VPS54: variants seen among roughly 807,000 people sequenced by gnomAD.
VPS54 encodes vacuolar protein sorting-associated protein 54.
A neutral mutation model predicts 121.5 loss-of-function variants in VPS54; 45 were observed. That is an observed-to-expected ratio of 0.37 (90% CI 0.29 to 0.47). VPS54 has a LOEUF of 0.47. VPS54 is among the 20% of genes least tolerant of loss of function. The pLI, the probability that VPS54 is intolerant of heterozygous loss-of-function variation, is 0.99. For synonymous variants in VPS54, 371 were observed against 385.8 expected (o/e 0.96, Z 0.45); for missense variants, 1,090 against 1,131.4 (o/e 0.96, Z 0.52).
At chr2:63,934,522 T>C (rs34200806) in intron 11 of VPS54, among the ~76,000 whole-genome samples, 27,021 of 152,142 alleles carry the variant, frequency 0.18, 3,204 homozygotes, top group Non-Finnish European at 0.24. Context: ...GCCTCTGCTG[T>C]TTCCTCTATC....
rs191019530 is a variant in VPS54 at position 63,937,223 on chromosome 2, G to A, written c.1399-3210C>T. On this transcript the variant is annotated intron_variant, in intron 11 of 22. Transcript: ENST00000272322. ...AGAGTAAAAAGGCAACCTGCGGAATGGGAGAAAATATTTGTAAATCACGTA... is the reference window on the plus strand; with the variant it reads ...AGAGTAAAAAGGCAACCTGCGGAATAGGAGAAAATATTTGTAAATCACGTA... Among the ~76,000 whole-genome samples the A allele has an allele frequency of 2.1e-3, 312 of 152,174 alleles. 2 individuals are homozygous for A. Among genetic ancestry groups the A allele is most frequent in the African/African-American group, 7.2e-3 (301 of 41,536 alleles).
chr2:63,928,450 G>A (rs1228278479), intron 12 of VPS54, among the ~76,000 whole-genome samples: 1 of 152,156 alleles, frequency 6.6e-6, no homozygotes, highest in African/African-American at 2.4e-5. Context: ...TTACAGACAA[G>A]CAAATGCTGA....
In VPS54 at chr2:63,956,083, A is replaced by G. The variant is rs75726579; in HGVS notation, c.1010+5975T>C. Among the ~76,000 whole-genome samples, 727 of 152,260 alleles carry G rather than the reference A, an allele frequency of 4.8e-3. 12 individuals carry two copies. Among genetic ancestry groups the G allele is most frequent in the African/African-American group, 0.017 (699 of 41,558 alleles). On this transcript the variant is annotated intron_variant, in intron 7 of 22. Transcript: ENST00000272322. ...TTCTACTAAGCTGTATGTTCAATAC[A>G]GTGACCTCTGTGCTGTTCTTATCAG...
In VPS54 at chr2:63,944,674, A is replaced by G; in HGVS notation, c.1246-19T>C. 6.3e-7 allele frequency: 1 copy of G among 1,586,008 alleles called. No individual in the cohort carries two copies. Among genetic ancestry groups the G allele is most frequent in the Non-Finnish European group, 8.6e-7 (1 of 1,162,486 alleles). Reference sequence around the variant, plus strand: ...TCACACACTGCAAAATTTAAGAAAAAACAAAAACAATTTGATTAATTGTCT... The same window carrying G: ...TCACACACTGCAAAATTTAAGAAAAGACAAAAACAATTTGATTAATTGTCT... On this transcript the variant is annotated intron_variant, in intron 9 of 22. Transcript: ENST00000272322.
At chr2:63,955,773 A>G (rs1158115386) in intron 7 of VPS54, among the ~76,000 whole-genome samples, 9 of 152,042 alleles carry the variant, frequency 5.9e-5, no homozygotes, top group Non-Finnish European at 1.2e-4. Flanking sequence ...TCACCTATTC[A>G]TCCTCAATCT....
At chr2:63,906,529 A>G (rs968732084) in intron 20 of VPS54, among the ~76,000 whole-genome samples, 1 of 152,206 alleles carries the variant, frequency 6.6e-6, no homozygotes, top group African/African-American at 2.4e-5. Flanking sequence ...GAGTAAAGAG[A>G]TAGGTCCAGT....
chr2:63,913,698 AAAT>A (rs1284742926), intron 17 of VPS54: 1 of 355,186 alleles, frequency 2.8e-6, no homozygotes, highest in African/African-American at 2.2e-5. Flanking sequence ...GGTTTGAAAA[AAAT>A]AATAAAGCAT....
intron 1 of VPS54, among the ~76,000 whole-genome samples, chr2:63,993,942 C>T (rs1437547232): frequency 6.6e-6 from 1 of 152,118 alleles, no homozygotes; most frequent in Non-Finnish European, 1.5e-5. Context: ...ATAGGATTTC[C>T]CCAAAACCTT....
chr2:63,943,940 C>T (rs1197200284), intron 10 of VPS54, among the ~76,000 whole-genome samples: 4 of 151,310 alleles, frequency 2.6e-5, no homozygotes, highest in African/African-American at 9.7e-5. Flanking sequence ...CTTTATTGCC[C>T]AGGGTGGTCT....
chr2:63,983,112 A>C (rs1335352403), intron 2 of VPS54, among the ~76,000 whole-genome samples: 1 of 152,008 alleles, frequency 6.6e-6, no homozygotes, highest in African/African-American at 2.4e-5. Flanking sequence ...TGCATGAAAT[A>C]CATTAAAAAA....
chr2:63,910,011 A>AG (rs1418108008), intron 20 of VPS54, among the ~76,000 whole-genome samples: 2 of 152,108 alleles, frequency 1.3e-5, no homozygotes, highest in African/African-American at 4.8e-5. Context: ...TACAGGCTTG[A>AG]GCCACCGTGC....
At chr2:64,009,543 T>C (rs539550536) in intron 1 of VPS54, among the ~76,000 whole-genome samples, 97 of 152,194 alleles carry the variant, frequency 6.4e-4, no homozygotes, top group Admixed American at 1.1e-3. Flanking sequence ...CTCAAACTCC[T>C]GACCTCAGGT....
In VPS54 at chr2:63,962,124, G is replaced by A. The variant is rs933653293; in HGVS notation, c.944C>T (p.Ala315Val). 6.2e-7 allele frequency: 1 copy of A among 1,608,758 alleles called. No individual in the cohort carries two copies. The highest frequency in any genetic ancestry group is 8.5e-7 in the Non-Finnish European group (1 of 1,175,450). ...VLLSTSEFVGALDLIATTQEV... is the reference protein window; with the variant it reads ...VLLSTSEFVGVLDLIATTQEV... Reference sequence around the variant, plus strand: ...TTGTGTTGTTGCTATTAAGTCCAATGCTCCAACAAATTCAGAAGTAGATAA... The same window carrying A: ...TTGTGTTGTTGCTATTAAGTCCAATACTCCAACAAATTCAGAAGTAGATAA... Residue 315 changes from alanine to valine, a missense_variant, in exon 7 of 23, where the codon GCA becomes GTA. Coordinates refer to ENST00000272322, the MANE Select transcript of VPS54 (RefSeq NM_016516.3).
At chr2:63,993,303 T>G (rs922655475) in intron 1 of VPS54, among the ~76,000 whole-genome samples, 12 of 152,230 alleles carry the variant, frequency 7.9e-5, no homozygotes, top group African/African-American at 2.7e-4. Context: ...ACTTGTTTTC[T>G]ATGCTGCGGG....
intron 21 of VPS54, among the ~76,000 whole-genome samples, chr2:63,897,941 G>A (rs1246800607): frequency 5.3e-5 from 8 of 152,132 alleles, no homozygotes; most frequent in Admixed American, 2.0e-4. Flanking sequence ...AGATACCTTC[G>A]TACTTCTAAT....
chr2:64,010,737 G>C (rs180708697), intron 1 of VPS54, among the ~76,000 whole-genome samples: 1 of 151,544 alleles, frequency 6.6e-6, no homozygotes. Context: ...TTTAAAATGC[G>C]TATCACATAT....
At chr2:63,947,593 C>G in intron 8 of VPS54, 103 bp from the exon 9 acceptor site, 1 of 975,876 alleles carries the variant, frequency 1.0e-6, no homozygotes, top group Non-Finnish European at 1.4e-6. Flanking sequence ...CCTCAGATCT[C>G]TATCCTGCAC....
At chr2:63,913,350 A>G in intron 17 of VPS54, 40 bp from the exon 18 acceptor site, 7 of 1,496,402 alleles carry the variant, frequency 4.7e-6, no homozygotes, top group Non-Finnish European at 6.4e-6. Flanking sequence ...AATTTACTAA[A>G]AACTGTTCTT....
intron 16 of VPS54, among the ~76,000 whole-genome samples, chr2:63,914,931 C>T (rs1040272880): frequency 5.9e-5 from 9 of 151,676 alleles, no homozygotes; most frequent in Non-Finnish European, 1.2e-4. Context: ...GTCGGGAGTT[C>T]GAGACCAGCC....
Sources: allele counts gnomAD v4.1 joint callset (sites outside exome capture counted in the v4.1 genomes callset), GRCh38; gene constraint gnomAD v4.1.1; transcripts MANE v1.5; gene names NCBI Gene and HGNC (gene_info 2026-07-23, HGNC 2026-07-21).